Variants in MROH7 observed in about 807,000 individuals in gnomAD.
The protein encoded by MROH7 is maestro heat like repeat family member 7.
A neutral mutation model predicts 129.2 loss-of-function variants in MROH7; 113 were observed. The ratio of observed to expected loss-of-function variants is 0.87; its 90% CI spans 0.75 to 1.02. The LOEUF (loss-of-function observed/expected upper bound fraction) is 1.02, where lower values mean the gene tolerates loss of function less well. Ranked by LOEUF, MROH7 falls within the 50% of genes least tolerant of loss-of-function variation. The pLI is 0.00. For synonymous variants in MROH7, 655 were observed against 667.9 expected (o/e 0.98, Z 0.30); for missense variants, 1,601 against 1,671.3 (o/e 0.96, Z 0.73).
chr1:54,674,985 C>CA lies in MROH7; in HGVS notation c.1936+834_1936+835insA, dbSNP rs139995280. ...ACTCAGATATAATTCATAATTCATG[C>CA]TTTTTTTTTTGACAGAGTCTGGCTT... On this transcript the variant is annotated intron_variant, in intron 10 of 23. Coordinates refer to ENST00000421030, the MANE Select transcript of MROH7 (RefSeq NM_001039464.4). 1.0e-3 allele frequency among the ~76,000 whole-genome samples: 150 copies of CA among 149,232 alleles called. 1 individual carries two copies. Among genetic ancestry groups the CA allele is most frequent in the Non-Finnish European group, 2.0e-3 (131 of 67,090 alleles).
At chr1:54,696,291 C>A (rs1282509608) in intron 17 of MROH7, among the ~76,000 whole-genome samples, 1 of 152,182 alleles carries the variant, frequency 6.6e-6, no homozygotes, top group Non-Finnish European at 1.5e-5. Flanking sequence ...CCTCCCCTTT[C>A]CTTTTAGTTT....
chr1:54,699,185 TTCTC>T (rs771834454), intron 17 of MROH7: 10 of 92,738 alleles, frequency 1.1e-4, no homozygotes, highest in African/African-American at 3.0e-4. Flanking sequence ...CTTTCTTTCT[TTCTC>T]TTTCTTTCTT....
chr1:54,680,906 C>G (rs1645059556), intron 13 of MROH7, among the ~76,000 whole-genome samples: 4 of 152,124 alleles, frequency 2.6e-5, no homozygotes, highest in Non-Finnish European at 1.5e-5. Flanking sequence ...CAGTCTCCCA[C>G]TTGGAAGAAT....
At chr1:54,682,611 C>T (rs1396177377) in intron 13 of MROH7, 45 bp from the exon 14 acceptor site, 27 of 1,581,290 alleles carry the variant, frequency 1.7e-5, no homozygotes, top group Non-Finnish European at 2.3e-5. Flanking sequence ...GGGTTAGCCC[C>T]ACTGCCTTGG....
chr1:54,687,645 A>G (rs550074945), intron 15 of MROH7, among the ~76,000 whole-genome samples: 15 of 152,312 alleles, frequency 9.8e-5, no homozygotes, highest in African/African-American at 3.6e-4. Context: ...TGCATGATAA[A>G]GGATAAAATG....
intron 7 of MROH7, among the ~76,000 whole-genome samples, chr1:54,671,261 G>A (rs1465558495): frequency 7.9e-5 from 12 of 152,084 alleles, no homozygotes; most frequent in Admixed American, 5.9e-4. Flanking sequence ...TTAGCCGGGC[G>A]TGGCAGCGGG....
At chr1:54,663,711 A>C (rs908046072) in intron 3 of MROH7, 13 of 415,106 alleles carry the variant, frequency 3.1e-5, no homozygotes, top group South Asian at 6.9e-5. Context: ...ACAAAAAAAA[A>C]ACAAGCTTTT....
chr1:54,699,461 TA>T (rs909555593), intron 17 of MROH7: 13 of 151,156 alleles, frequency 8.6e-5, no homozygotes, highest in Non-Finnish European at 1.3e-4. Flanking sequence ...CGTGCCCGGC[TA>T]ATTTTTTGTA....
intron 17 of MROH7, 134 bp from the exon 18 acceptor site, chr1:54,700,187 T>A (rs761441636): frequency 9.0e-6 from 10 of 1,109,358 alleles, no homozygotes; most frequent in Non-Finnish European, 9.4e-6. Context: ...CTTCCAGCAA[T>A]CTGTTGGTTT....
At chr1:54,686,220 G>A in intron 14 of MROH7, 38 bp from the exon 15 acceptor site, 1 of 1,565,608 alleles carries the variant, frequency 6.4e-7, no homozygotes, top group South Asian at 1.2e-5. Context: ...TGGGAAGATG[G>A]GCCACGACAT....
At chr1:54,680,153 T>G in intron 13 of MROH7, 108 bp downstream of exon 13, 1 of 983,926 alleles carries the variant, frequency 1.0e-6, no homozygotes, top group South Asian at 1.5e-5. Context: ...CCCTCCCAGA[T>G]GGCCCCCCTT....
At chr1:54,642,358 G>A (rs1351224647) in intron 1 of MROH7, among the ~76,000 whole-genome samples, 2 of 152,182 alleles carry the variant, frequency 1.3e-5, no homozygotes, top group East Asian at 3.9e-4. Flanking sequence ...TTTGAATTCA[G>A]GTCTGCCTGA....
Position 54,688,219 on chromosome 1 carries a change from CA to C in MROH7, c.2711+1784del, listed in dbSNP as rs1186787702. ...TGGGTGTCACAGCGAGACTCCGTCT[CA>C]AAAAAAAAAAAATTTTTTTTTTTTT... On this transcript the variant is annotated intron_variant, in intron 15 of 23. Transcript: ENST00000421030. Among the ~76,000 whole-genome samples the C allele has an allele frequency of 4.7e-3, 555 of 119,014 alleles. 9 individuals carry two copies. Among genetic ancestry groups the C allele is most frequent in the Admixed American group, 0.017 (201 of 11,512 alleles). 78.1% of individuals were successfully genotyped at this position (119,014 alleles called of 152,430 possible). A position where few individuals can be genotyped will look rare whatever the true frequency, so the allele number is the denominator to read the frequency against.
Position 54,679,456 on chromosome 1 carries a change from G to A in MROH7, c.2226+17G>A, listed in dbSNP as rs1645034262. ...CTGGAGGTGGTAAGGCCTCCTGGGG[G>A]CAGGGAGTGAACTGTCACTGGGGCT... is the stretch of plus-strand genomic sequence containing the variant. On this transcript the variant is annotated intron_variant, in intron 12 of 23. Coordinates refer to ENST00000421030, the MANE Select transcript of MROH7 (RefSeq NM_001039464.4). 11 of 1,608,376 alleles carry A rather than the reference G, an allele frequency of 6.8e-6. No individual in the cohort carries two copies. Among genetic ancestry groups the A allele is most frequent in the African/African-American group, 1.3e-5 (1 of 74,934 alleles).
rs1305875236 is a variant in MROH7, at chr1:54,686,244, C to CCTCT, written c.2521-13_2521-10dup. ...GGGCCACGACATCCCAGCAGCCTCC[C>CCTCT]CTCTGCCCCATAGGCAGCCAGCGGC... is the stretch of plus-strand genomic sequence containing the variant. On this transcript the variant is annotated splice_polypyrimidine_tract_variant and intron_variant, in intron 14 of 23. Coordinates refer to ENST00000421030, the MANE Select transcript of MROH7 (RefSeq NM_001039464.4). The CCTCT allele has an allele frequency of 6.2e-7, 1 of 1,605,744 alleles. No individual in the cohort carries two copies. Among genetic ancestry groups the CCTCT allele is most frequent in the Non-Finnish European group, 8.5e-7 (1 of 1,175,408 alleles).
At chr1:54,680,189 C>T (rs945198170) in intron 13 of MROH7, 144 bp downstream of exon 13, 12 of 678,056 alleles carry the variant, frequency 1.8e-5, no homozygotes, top group African/African-American at 3.6e-5. Flanking sequence ...TTTATGACAA[C>T]CATTAAGCAC....
chr1:54,669,350 T>G lies in MROH7; in HGVS notation c.1389+413T>G, dbSNP rs527901766. 2.1e-4 allele frequency among the ~76,000 whole-genome samples: 32 copies of G among 152,318 alleles called. No homozygotes were observed. The East Asian group carries it at 5.6e-3, about 27-fold the overall frequency. ...GATAAATACAGTCACTCCACCAGAATGGACTGGGCAGGAATAACCACTGAA... is the reference window on the plus strand; with the variant it reads ...GATAAATACAGTCACTCCACCAGAAGGGACTGGGCAGGAATAACCACTGAA... On this transcript the variant is annotated intron_variant, in intron 5 of 23. Transcript: ENST00000421030.
chr1:54,696,958 C>T (rs1487701557), intron 17 of MROH7, among the ~76,000 whole-genome samples: 1 of 152,130 alleles, frequency 6.6e-6, no homozygotes, highest in African/African-American at 2.4e-5. Context: ...AGGTGTGAGC[C>T]ACCACGCCTA....
chr1:54,701,048 G>A, intron 18 of MROH7, 95 bp from the exon 19 acceptor site: 1 of 1,374,760 alleles, frequency 7.3e-7, no homozygotes, highest in Admixed American at 1.9e-5. Flanking sequence ...GTGGGGATTG[G>A]GCCACCAAGT....
Sources: allele counts gnomAD v4.1 joint callset (sites outside exome capture counted in the v4.1 genomes callset), GRCh38; gene constraint gnomAD v4.1.1; transcripts MANE v1.5; gene names NCBI Gene and HGNC (gene_info 2026-07-23, HGNC 2026-07-21).